COL26A1: variants seen among roughly 807,000 people sequenced by gnomAD.
The protein encoded by COL26A1 is collagen type XXVI alpha 1 chain.
A neutral mutation model predicts 59.3 loss-of-function variants in COL26A1; 41 were observed. The observed-to-expected ratio is 0.69, with a 90% CI of 0.54 to 0.90. The LOEUF (loss-of-function observed/expected upper bound fraction) is 0.90. COL26A1 is among the 40% of genes least tolerant of loss of function. The probability of loss-of-function intolerance (pLI) is 0.00; values close to 1 mark genes in which losing one functional copy is unlikely to be tolerated. For missense variants in COL26A1, 612 were observed against 602.3 expected, an observed-to-expected ratio of 1.02 and a Z score of -0.17; for synonymous variants, 266 against 256.0, an observed-to-expected ratio of 1.04 and a Z score of -0.37.
intron 11 of COL26A1, among the ~76,000 whole-genome samples, chr7:101,554,567 TAAAAAAA>T (rs57638079): frequency 5.8e-5 from 7 of 120,508 alleles, no homozygotes; most frequent in Non-Finnish European, 1.0e-4. Flanking sequence ...CCCCATTTCT[TAAAAAAA>T]AAAAAAAAAA....
At position 101,363,815 on chromosome 7, in the gene COL26A1, C is replaced by T. The variant is rs1790972635; in HGVS notation, c.158+625C>T. Among the ~76,000 whole-genome samples, 3 of 152,190 alleles carry T rather than the reference C, an allele frequency of 2.0e-5. No individual in the cohort carries two copies. In the South Asian group the frequency reaches 6.2e-4, roughly 32 times the overall value. On this transcript the variant is annotated intron_variant, in intron 1 of 12. Coordinates refer to ENST00000313669, the MANE Select transcript of COL26A1 (RefSeq NM_001278563.3). ...CCGGGGCGTTCGGCCGCTCACGTGG[C>T]TCTGCCGCTCACCTGCGCGGCTGCG... is the stretch of plus-strand genomic sequence containing the variant.
chr7:101,539,444 G>A (rs1006644970), intron 4 of COL26A1, among the ~76,000 whole-genome samples: 18 of 151,986 alleles, frequency 1.2e-4, no homozygotes, highest in African/African-American at 4.4e-4. Context: ...CCTGGGCTCA[G>A]CCTCCTGAGT....
chr7:101,548,913 T>A (rs1181011341), intron 8 of COL26A1, among the ~76,000 whole-genome samples: 1 of 152,006 alleles, frequency 6.6e-6, no homozygotes, highest in African/African-American at 2.4e-5. Context: ...GCCTGCCGGG[T>A]CTCGGGATTG....
At chr7:101,508,491 A>T in intron 3 of COL26A1, among the ~76,000 whole-genome samples, 2 of 148,784 alleles carry the variant, frequency 1.3e-5, no homozygotes, top group South Asian at 4.3e-4. Context: ...TGTACTCCAG[A>T]CTGAACAACA....
intron 3 of COL26A1, among the ~76,000 whole-genome samples, chr7:101,517,914 A>C (rs1795064977): frequency 6.8e-6 from 1 of 147,952 alleles, no homozygotes; most frequent in Non-Finnish European, 1.5e-5. Context: ...CCTGGACTCA[A>C]GCGATCCTCC....
chr7:101,431,263 T>G (rs780383506), intron 2 of COL26A1, among the ~76,000 whole-genome samples: 10 of 152,268 alleles, frequency 6.6e-5, no homozygotes, highest in Admixed American at 6.5e-4. Flanking sequence ...TTTTCTTTCT[T>G]TTTTTCTGAA....
intron 3 of COL26A1, among the ~76,000 whole-genome samples, chr7:101,466,355 T>G (rs1255753843): frequency 6.6e-6 from 1 of 152,096 alleles, no homozygotes; most frequent in African/African-American, 2.4e-5. Context: ...TAAATGGCCC[T>G]TGTTACTGTC....
chr7:101,520,451 G>A (rs904948820), intron 3 of COL26A1, among the ~76,000 whole-genome samples: 7 of 152,146 alleles, frequency 4.6e-5, no homozygotes, highest in Non-Finnish European at 8.8e-5. Context: ...TTGAGAGGCC[G>A]AGGTGGGAGA....
At chr7:101,519,194 A>G (rs1795089961) in intron 3 of COL26A1, among the ~76,000 whole-genome samples, 1 of 152,196 alleles carries the variant, frequency 6.6e-6, no homozygotes. Flanking sequence ...AGGTGTCAGG[A>G]TCTGGGCACT....
rs117125484 is a variant in COL26A1 at position 101,373,791 on chromosome 7, C to T, written c.158+10601C>T. ...GGCTTTGATGTTAATATCAGTGAGACCTTGTCCTCAAGCTCCAGGATTTTC... is the reference window on the plus strand; with the variant it reads ...GGCTTTGATGTTAATATCAGTGAGATCTTGTCCTCAAGCTCCAGGATTTTC... On this transcript the variant is annotated intron_variant, in intron 1 of 12. Coordinates refer to ENST00000313669, the MANE Select transcript of COL26A1 (RefSeq NM_001278563.3). Among the ~76,000 whole-genome samples, 9 of 152,240 alleles carry T rather than the reference C, an allele frequency of 5.9e-5. No individual in the cohort carries two copies. In the East Asian group the frequency reaches 1.7e-3, roughly 29 times the overall value.
At chr7:101,469,335 C>T (rs1385788480) in intron 3 of COL26A1, among the ~76,000 whole-genome samples, 4 of 152,074 alleles carry the variant, frequency 2.6e-5, no homozygotes, top group African/African-American at 9.7e-5. Flanking sequence ...AATTCTCTGA[C>T]ACCACCACCA....
intron 1 of COL26A1, among the ~76,000 whole-genome samples, chr7:101,387,764 A>ATTTTTTTTT (rs1449600744): frequency 2.6e-5 from 1 of 37,818 alleles, no homozygotes; most frequent in Non-Finnish European, 6.1e-5. Context: ...TTATATATAT[A>ATTTTTTTTT]TATATATATA....
At position 101,553,392 on chromosome 7, in the gene COL26A1, C is replaced by T; in HGVS notation, c.1080+16C>T. ...CACTGCAGAGGTAACCATGGCTGCC[C>T]TTCACGTTCCCTCCCGCCTCCTTGG... On this transcript the variant is annotated intron_variant, in intron 11 of 12. Coordinates refer to ENST00000313669, the MANE Select transcript of COL26A1 (RefSeq NM_001278563.3). The T allele has an allele frequency of 1.2e-6, 2 of 1,612,706 alleles. No individual in the cohort carries two copies. The highest frequency in any genetic ancestry group is 1.1e-5 in the South Asian group (1 of 90,990).
chr7:101,380,270 G>A (rs147971686), intron 1 of COL26A1, among the ~76,000 whole-genome samples: 7,732 of 148,966 alleles, frequency 0.052, 217 homozygotes, highest in Non-Finnish European at 0.067. Context: ...GATTACAGGC[G>A]TAAGCTACTG....
intron 3 of COL26A1, among the ~76,000 whole-genome samples, chr7:101,528,266 C>A (rs1202896856): frequency 6.6e-6 from 1 of 152,212 alleles, no homozygotes; most frequent in Admixed American, 6.5e-5. Context: ...TGGGCCTCCC[C>A]CTCCATCCGC....
At chr7:101,439,553 GA>G (rs574285424) in intron 2 of COL26A1, among the ~76,000 whole-genome samples, 15 of 81,916 alleles carry the variant, frequency 1.8e-4, no homozygotes, top group East Asian at 5.6e-4. Flanking sequence ...GACTCCGTCT[GA>G]AAAAAAAAAA....
intron 1 of COL26A1, among the ~76,000 whole-genome samples, chr7:101,417,775 G>A (rs954573164): frequency 6.3e-4 from 95 of 151,432 alleles, no homozygotes; most frequent in African/African-American, 2.2e-3. Flanking sequence ...AGGCTAGAGT[G>A]CAGTGGTGCG....
chr7:101,510,619 T>C (rs60144472), intron 3 of COL26A1, among the ~76,000 whole-genome samples: 39,867 of 152,122 alleles, frequency 0.26, 7,270 homozygotes, highest in African/African-American at 0.52. Flanking sequence ...GTGATCCTCC[T>C]ACCTCAGCTT....
intron 3 of COL26A1, among the ~76,000 whole-genome samples, chr7:101,491,072 T>C (rs1041077972): frequency 1.3e-5 from 2 of 151,106 alleles, no homozygotes; most frequent in Non-Finnish European, 2.9e-5. Context: ...ATTGCTTGAA[T>C]GTGTGAGGCA....
Sources: allele counts gnomAD v4.1 joint callset (sites outside exome capture counted in the v4.1 genomes callset), GRCh38; gene constraint gnomAD v4.1.1; transcripts MANE v1.5; gene names NCBI Gene and HGNC (gene_info 2026-07-23, HGNC 2026-07-21).